GLIS3: variants seen among roughly 807,000 people sequenced by gnomAD.
GLIS3 encodes the protein GLIS family zinc finger 3.
GLIS3 carries 53 observed loss-of-function variants against 78.6 expected under a neutral mutation model. The observed-to-expected ratio is 0.67, with a 90% CI of 0.54 to 0.85. GLIS3 has a LOEUF of 0.85. Ranked by LOEUF, GLIS3 falls within the 40% of genes least tolerant of loss-of-function variation. The probability of loss-of-function intolerance (pLI) is 0.00; values close to 1 mark genes in which losing one functional copy is unlikely to be tolerated. For missense variants in GLIS3, 1,703 were observed against 1,231.1 expected (o/e 1.38, Z -5.74); for synonymous variants, 684 against 509.9 (o/e 1.34, Z -4.60).
chr9:4,225,643 T>C (rs999792344), intron 2 of GLIS3, among the ~76,000 whole-genome samples: 2 of 152,196 alleles, frequency 1.3e-5, no homozygotes, highest in African/African-American at 4.8e-5. Context: ...AACTGCTTCT[T>C]AATGATGAGC....
chr9:4,259,099 A>G (rs1315242165), intron 2 of GLIS3, among the ~76,000 whole-genome samples: 9 of 152,086 alleles, frequency 5.9e-5, no homozygotes, highest in Admixed American at 5.9e-4. Flanking sequence ...CTAATTAATG[A>G]AGACCTCACC....
chr9:4,484,232 T>A, the GLIS3 span, among the ~76,000 whole-genome samples: 28 of 139,562 alleles, frequency 2.0e-4, no homozygotes, highest in East Asian at 2.8e-3. Flanking sequence ...ACTAACTTTT[T>A]TTTTTTATTT....
intron 4 of GLIS3, among the ~76,000 whole-genome samples, chr9:4,056,920 T>TTTTG (rs1826200487): frequency 7.6e-6 from 1 of 131,916 alleles, no homozygotes; most frequent in African/African-American, 2.8e-5. Flanking sequence ...TTTTTTTTTT[T>TTTTG]GCCATCTGCC....
the GLIS3 span, among the ~76,000 whole-genome samples, chr9:4,463,785 G>A: frequency 1.3e-5 from 2 of 152,082 alleles, no homozygotes; most frequent in Admixed American, 1.3e-4. Flanking sequence ...CCATTTTTCT[G>A]TTTCTTATAT....
At chr9:4,315,080 T>G (rs1817417867) in intron 2 of GLIS3, among the ~76,000 whole-genome samples, 1 of 152,196 alleles carries the variant, frequency 6.6e-6, no homozygotes, top group Admixed American at 6.5e-5. Context: ...GTGTACTGAC[T>G]CAACCAGAGT....
At chr9:3,973,109 A>G (rs191486622) in intron 4 of GLIS3, among the ~76,000 whole-genome samples, 78 of 152,276 alleles carry the variant, frequency 5.1e-4, no homozygotes, top group Middle Eastern at 3.4e-3. Flanking sequence ...GAAAAAATAC[A>G]TATTAAGATC....
chr9:4,332,131 T>C (rs1266745277), intron 2 of GLIS3, among the ~76,000 whole-genome samples: 2 of 152,208 alleles, frequency 1.3e-5, no homozygotes, highest in Admixed American at 1.3e-4. Flanking sequence ...CTGGTTGAAG[T>C]TCTGCAAATC....
the GLIS3 span, among the ~76,000 whole-genome samples, chr9:4,474,499 T>C: frequency 6.6e-6 from 1 of 152,148 alleles, no homozygotes; most frequent in African/African-American, 2.4e-5. Flanking sequence ...ATTAATTGGA[T>C]ATCCATAGGG....
chr9:4,239,179 AG>A (rs1472790628), intron 2 of GLIS3, among the ~76,000 whole-genome samples: 6 of 76,858 alleles, frequency 7.8e-5, no homozygotes, highest in African/African-American at 1.6e-4. Flanking sequence ...GGGTGGGGGG[AG>A]GGGGGAGGGA....
chr9:4,321,906 T>C (rs1376994856), intron 2 of GLIS3, among the ~76,000 whole-genome samples: 1 of 152,118 alleles, frequency 6.6e-6, no homozygotes, highest in Non-Finnish European at 1.5e-5. Flanking sequence ...TGCTTTAATT[T>C]CTGGGGTACA....
chr9:4,333,125 T>G (rs573127524), intron 2 of GLIS3, among the ~76,000 whole-genome samples: 1 of 152,144 alleles, frequency 6.6e-6, no homozygotes, highest in South Asian at 2.1e-4. Context: ...TGCACTCTTA[T>G]AGTCCTAGCT....
intron 6 of GLIS3, among the ~76,000 whole-genome samples, chr9:3,917,506 A>G (rs576585146): frequency 7.2e-5 from 11 of 152,240 alleles, no homozygotes; most frequent in Non-Finnish European, 1.5e-4. Flanking sequence ...GGAACATAAT[A>G]AAACTCCTTT....
chr9:4,134,887 A>G (rs1276384699), intron 2 of GLIS3, among the ~76,000 whole-genome samples: 1 of 152,180 alleles, frequency 6.6e-6, no homozygotes, highest in Non-Finnish European at 1.5e-5. Flanking sequence ...GCCACACGGT[A>G]TACACCTTAC....
intron 9 of GLIS3, among the ~76,000 whole-genome samples, chr9:3,839,829 T>G (rs7848342): frequency 0.023 from 3,492 of 152,286 alleles, 143 homozygotes; most frequent in African/African-American, 0.08. Context: ...GTGCAGATAT[T>G]CTCATTAGGG....
intron 2 of GLIS3, among the ~76,000 whole-genome samples, chr9:4,137,961 C>A (rs566886219): frequency 3.0e-4 from 45 of 152,338 alleles, no homozygotes; most frequent in African/African-American, 9.1e-4. Context: ...AACAAGTACT[C>A]TGAAAAACTG....
intron 4 of GLIS3, among the ~76,000 whole-genome samples, chr9:4,114,725 C>A (rs563329424): frequency 3.3e-5 from 5 of 152,166 alleles, no homozygotes; most frequent in African/African-American, 1.2e-4. Flanking sequence ...ACTTCTCAAG[C>A]CCTTTGCCAC....
At chr9:3,963,789 CA>C (rs1234564941) in intron 4 of GLIS3, among the ~76,000 whole-genome samples, 6 of 151,940 alleles carry the variant, frequency 3.9e-5, no homozygotes, top group African/African-American at 1.5e-4. Flanking sequence ...ACCGAGACAC[CA>C]AGGATGATGG....
chr9:4,471,336 C>A, the GLIS3 span, among the ~76,000 whole-genome samples: 1 of 152,050 alleles, frequency 6.6e-6, no homozygotes, highest in African/African-American at 2.4e-5. Context: ...GGAGGCATCA[C>A]GTTATGTAAA....
intron 9 of GLIS3, among the ~76,000 whole-genome samples, chr9:3,855,216 G>T (rs764124798): frequency 2.0e-4 from 30 of 152,276 alleles, no homozygotes; most frequent in Admixed American, 1.2e-3. Flanking sequence ...ATAAAGAAAA[G>T]AAACTAAGAC....
Sources: allele counts gnomAD v4.1 joint callset (sites outside exome capture counted in the v4.1 genomes callset), GRCh38; gene constraint gnomAD v4.1.1; transcripts MANE v1.5; gene names NCBI Gene and HGNC (gene_info 2026-07-23, HGNC 2026-07-21).